TUBB6: variants seen among roughly 807,000 people sequenced by gnomAD.
The protein encoded by TUBB6 is tubulin beta 6 class V, also known as tubulin beta-6 chain.
Under a neutral mutation model 32.3 loss-of-function variants are expected in TUBB6, and 18 were observed. The ratio of observed to expected loss-of-function variants is 0.56; its 90% CI spans 0.39 to 0.83. The LOEUF is 0.83. Ranked by LOEUF, TUBB6 falls within the 40% of genes least tolerant of loss-of-function variation. TUBB6 has a pLI of 0.00. For synonymous variants in TUBB6, 280 were observed against 265.8 expected, an observed-to-expected ratio of 1.05 and a Z score of -0.52; for missense variants, 480 against 632.0, an observed-to-expected ratio of 0.76 and a Z score of 2.58.
At chr18:12,311,550 TTGCACTAC>T (rs1445878169) in intron 3 of TUBB6, among the ~76,000 whole-genome samples, 1 of 152,066 alleles carries the variant, frequency 6.6e-6, no homozygotes, top group Non-Finnish European at 1.5e-5. Context: ...TGAGCTGAGA[TTGCACTAC>T]TGCACTCCAA....
At chr18:12,310,756 T>C (rs901614445) in intron 2 of TUBB6, among the ~76,000 whole-genome samples, 187 bp from the exon 3 acceptor site, 3 of 152,222 alleles carry the variant, frequency 2.0e-5, no homozygotes, top group Non-Finnish European at 4.4e-5. Flanking sequence ...CCCAATGTGC[T>C]GAGATTACAG....
downstream of TUBB6, chr18:12,329,178 G>T (rs1052582214): frequency 1.4e-6 from 1 of 702,848 alleles, no homozygotes; most frequent in Non-Finnish European, 2.6e-6. Context: ...GGAGAAACAG[G>T]AATGAAGAGT....
At chr18:12,319,857 G>A (rs1018919391) in intron 3 of TUBB6, among the ~76,000 whole-genome samples, 4 of 152,064 alleles carry the variant, frequency 2.6e-5, no homozygotes, top group African/African-American at 9.6e-5. Flanking sequence ...TGCGATCTTA[G>A]CTCATTGCAA....
At position 12,325,903 on chromosome 18, in the gene TUBB6, A is replaced by C; in HGVS notation, c.1114A>C (p.Thr372Pro). 1 of 1,614,106 alleles carries C rather than the reference A, an allele frequency of 6.2e-7. No homozygotes were observed. Residue 372 changes from threonine (T) to proline (P), a missense_variant, in exon 4 of 4, where the codon ACG becomes CCG. By Grantham distance (38) the Thr-to-Pro change is conservative. Transcript: ENST00000317702. ...KMASTFIGNS[T>P]AIQELFKRIS... ...GGCCTCCACCTTCATCGGCAACAGC[A>C]CGGCCATCCAGGAGCTGTTCAAGCG... is the stretch of plus-strand genomic sequence containing the variant.
At chr18:12,313,730 G>A (rs923056612) in intron 3 of TUBB6, among the ~76,000 whole-genome samples, 3 of 152,224 alleles carry the variant, frequency 2.0e-5, no homozygotes, top group Admixed American at 6.5e-5. Context: ...AATAACAGCT[G>A]TTCAGAGAAC....
downstream of TUBB6, among the ~76,000 whole-genome samples, chr18:12,327,164 CAT>C (rs1907366428): frequency 6.6e-6 from 1 of 152,220 alleles, no homozygotes; most frequent in African/African-American, 2.4e-5. Context: ...TAAGAATGGG[CAT>C]AGTGTGTCAC....
chr18:12,320,710 T>A (rs1187287142), intron 3 of TUBB6: 1 of 152,348 alleles, frequency 6.6e-6, no homozygotes, highest in East Asian at 1.9e-4. Flanking sequence ...TCTGCAGAGA[T>A]ACCGCCGTGG....
intron 3 of TUBB6, among the ~76,000 whole-genome samples, chr18:12,318,756 T>TTTTG (rs56312490): frequency 1.6e-3 from 237 of 150,502 alleles, no homozygotes; most frequent in Middle Eastern, 0.01. Flanking sequence ...AAATGTGTGG[T>TTTTG]TTTGTTTGTT....
chr18:12,316,282 G>A (rs774141000), intron 3 of TUBB6, among the ~76,000 whole-genome samples: 3 of 152,242 alleles, frequency 2.0e-5, no homozygotes, highest in Non-Finnish European at 4.4e-5. Flanking sequence ...TGGTTTATTT[G>A]AATTGAACAT....
intron 3 of TUBB6, among the ~76,000 whole-genome samples, chr18:12,318,294 T>C (rs1906781354): frequency 6.6e-6 from 1 of 151,060 alleles, no homozygotes; most frequent in Admixed American, 6.6e-5. Flanking sequence ...TGGTGGGGGC[T>C]TAGGAAGGAC....
chr18:12,321,456 C>CT (rs1466553471), intron 3 of TUBB6, among the ~76,000 whole-genome samples: 1 of 152,216 alleles, frequency 6.6e-6, no homozygotes, highest in Non-Finnish European at 1.5e-5. Flanking sequence ...ATGGGAGCCC[C>CT]TTGTCCACTA....
chr18:12,329,488 C>G (rs1210146429), downstream of TUBB6: 2 of 1,463,300 alleles, frequency 1.4e-6, no homozygotes, highest in African/African-American at 2.8e-5. Flanking sequence ...CATTCCCATT[C>G]TTCTGAAAGC....
Position 12,316,291 on chromosome 18 carries a change from A to C in TUBB6, c.277+5238A>C, listed in dbSNP as rs113702817. ...TTTCTTTGGTTTATTTGAATTGAAC[A>C]TTGGGAGAGTGTAAGGTCTTTCTAG... On this transcript the variant is annotated intron_variant, in intron 3 of 3. Transcript: ENST00000317702. 2.1e-3 allele frequency among the ~76,000 whole-genome samples: 324 copies of C among 152,368 alleles called. 2 individuals carry two copies. The highest frequency in any genetic ancestry group is 6.8e-3 in the African/African-American group (282 of 41,588).
downstream of TUBB6, among the ~76,000 whole-genome samples, chr18:12,328,243 T>G (rs1461585452): frequency 6.6e-6 from 1 of 152,166 alleles, no homozygotes; most frequent in African/African-American, 2.4e-5. Context: ...CTAGATTGTG[T>G]TAATTCTAAA....
At chr18:12,318,245 C>A (rs1906777061) in intron 3 of TUBB6, among the ~76,000 whole-genome samples, 1 of 151,534 alleles carries the variant, frequency 6.6e-6, no homozygotes, top group South Asian at 2.1e-4. Context: ...TTGCCAGGTG[C>A]TGCCTGCTAG....
chr18:12,315,778 G>GATAAAAA (rs888721677), intron 3 of TUBB6, among the ~76,000 whole-genome samples: 1 of 152,158 alleles, frequency 6.6e-6, no homozygotes, highest in African/African-American at 2.4e-5. Flanking sequence ...TGCTTTTTGA[G>GATAAAAA]ATAAAATAGG....
intron 3 of TUBB6, among the ~76,000 whole-genome samples, chr18:12,312,155 G>C (rs1906418161): frequency 6.6e-6 from 1 of 152,146 alleles, no homozygotes; most frequent in African/African-American, 2.4e-5. Flanking sequence ...AACCATTCCA[G>C]AGAGAAAATG....
chr18:12,308,257 C>T lies in TUBB6; in HGVS notation c.-36C>T, dbSNP rs775635665. 17 of 1,395,630 alleles carry T rather than the reference C, an allele frequency of 1.2e-5. No individual in the cohort carries two copies. The highest frequency in any genetic ancestry group is 1.5e-5 in the South Asian group (1 of 67,726). 86.5% of individuals were successfully genotyped at this position (1,395,630 alleles called of 1,614,324 possible). On this transcript the variant is annotated 5_prime_UTR_variant, in exon 1 of 4. Transcript: ENST00000317702. Reference sequence around the variant, plus strand: ...CCGGCCCGCAGTTGCCGCTGTCGTCCGCAGAGCCAGTTCCTAGCGCAGAGC... The same window carrying T: ...CCGGCCCGCAGTTGCCGCTGTCGTCTGCAGAGCCAGTTCCTAGCGCAGAGC...
chr18:12,310,859 A>G (rs1906336470), intron 2 of TUBB6, 84 bp from the exon 3 acceptor site: 1 of 886,270 alleles, frequency 1.1e-6, no homozygotes, highest in Non-Finnish European at 1.8e-6. Context: ...CCAGGCAGCT[A>G]GAACTGGTGG....
Sources: gnomAD v4.1 joint callset for allele counts (sites outside exome capture counted in the v4.1 genomes callset) on GRCh38, gnomAD v4.1.1 for gene constraint, MANE v1.5 for transcripts, NCBI Gene and HGNC (gene_info 2026-07-23, HGNC 2026-07-21) for gene names.